IMMP2L: variants seen among roughly 807,000 people sequenced by gnomAD.
IMMP2L encodes inner mitochondrial membrane peptidase subunit 2.
A neutral mutation model predicts 19.3 loss-of-function variants in IMMP2L; 18 were observed. That is an observed-to-expected ratio of 0.93 (90% confidence interval 0.64 to 1.38). IMMP2L has a LOEUF of 1.38. Among genes scored for constraint, IMMP2L ranks in the 40% most tolerant of loss-of-function variants. The probability of loss-of-function intolerance (pLI) is 0.00; values close to 1 mark genes in which losing one functional copy is unlikely to be tolerated. For synonymous variants in IMMP2L, 76 were observed against 73.0 expected (o/e 1.04, Z -0.21); for missense variants, 233 against 218.2 (o/e 1.07, Z -0.43).
At chr7:110,702,487 CT>C (rs369403882) in intron 5 of IMMP2L, among the ~76,000 whole-genome samples, 4 of 152,244 alleles carry the variant, frequency 2.6e-5, no homozygotes, top group African/African-American at 9.6e-5. Flanking sequence ...TGCAATTACA[CT>C]GAATTTGTAA....
At chr7:111,311,943 T>C (rs1223051124) in intron 3 of IMMP2L, among the ~76,000 whole-genome samples, 1 of 152,090 alleles carries the variant, frequency 6.6e-6, no homozygotes, top group Non-Finnish European at 1.5e-5. Context: ...ATTTTGAAAG[T>C]AGCACCTAAT....
At chr7:111,508,701 C>G (rs542326354) in intron 2 of IMMP2L, among the ~76,000 whole-genome samples, 1 of 152,198 alleles carries the variant, frequency 6.6e-6, no homozygotes, top group African/African-American at 2.4e-5. Flanking sequence ...AGACACCACT[C>G]AAAGGTGGGC....
intron 5 of IMMP2L, among the ~76,000 whole-genome samples, chr7:110,839,084 T>G (rs1397036412): frequency 1.3e-5 from 2 of 152,154 alleles, no homozygotes; most frequent in African/African-American, 4.8e-5. Flanking sequence ...GTTTGACCCT[T>G]AAATTTCTTC....
Position 110,922,076 on chromosome 7 carries a change from C to T in IMMP2L, c.306-35381G>A, listed in dbSNP as rs62464048. Among the ~76,000 whole-genome samples, 986 of 152,256 alleles carry T rather than the reference C, an allele frequency of 6.5e-3. 3 individuals are homozygous for T. The highest frequency in any genetic ancestry group is 9.1e-3 in the Non-Finnish European group (617 of 68,026). Reference sequence around the variant, plus strand: ...ATTTCCTTCCATTAAGAATAAGCTTCAGCTAGTGTGTTTCACAACTCTCAT... The same window carrying T: ...ATTTCCTTCCATTAAGAATAAGCTTTAGCTAGTGTGTTTCACAACTCTCAT... On this transcript the variant is annotated intron_variant, in intron 4 of 5. Coordinates refer to ENST00000405709, the MANE Select transcript of IMMP2L (RefSeq NM_032549.4).
At chr7:111,487,365 A>C in intron 2 of IMMP2L, 24 bp from the exon 3 acceptor site, 1 of 1,300,898 alleles carries the variant, frequency 7.7e-7, no homozygotes, top group Non-Finnish European at 1.1e-6. Context: ...AGAAAGAGAC[A>C]CTTCTATCAT....
At chr7:111,324,536 A>C (rs1289380469) in intron 3 of IMMP2L, among the ~76,000 whole-genome samples, 1 of 151,936 alleles carries the variant, frequency 6.6e-6, no homozygotes, top group Non-Finnish European at 1.5e-5. Flanking sequence ...AAGATGCTAT[A>C]AAACATGAAG....
chr7:110,667,654 C>T (rs1471989152), intron 5 of IMMP2L, among the ~76,000 whole-genome samples: 1 of 152,094 alleles, frequency 6.6e-6, no homozygotes, highest in Non-Finnish European at 1.5e-5. Flanking sequence ...CTCTCGAAGC[C>T]AGAGAAAGGA....
intron 3 of IMMP2L, among the ~76,000 whole-genome samples, chr7:111,475,948 A>G (rs553524952): frequency 1.7e-3 from 260 of 152,276 alleles, no homozygotes; most frequent in Non-Finnish European, 3.0e-3. Context: ...TCTTTAAAAA[A>G]TTTCAAGTCA....
At chr7:110,873,539 G>A (rs799627) in intron 5 of IMMP2L, among the ~76,000 whole-genome samples, 3,436 of 150,496 alleles carry the variant, frequency 0.023, 137 homozygotes, top group African/African-American at 0.078. Flanking sequence ...TGAGGCGGGC[G>A]GATTACCTGA....
intron 3 of IMMP2L, among the ~76,000 whole-genome samples, chr7:111,406,931 C>A (rs1032103317): frequency 6.6e-6 from 1 of 152,006 alleles, no homozygotes; most frequent in African/African-American, 2.4e-5. Context: ...CCACAGGAAC[C>A]TCTGCAGTGG....
intron 3 of IMMP2L, among the ~76,000 whole-genome samples, chr7:111,442,924 G>GA (rs2066662577): frequency 6.6e-6 from 1 of 151,726 alleles, no homozygotes; most frequent in Non-Finnish European, 1.5e-5. Flanking sequence ...AAACAGAACA[G>GA]AAAAAAAGCC....
intron 5 of IMMP2L, among the ~76,000 whole-genome samples, chr7:110,703,026 C>G (rs2130650771): frequency 6.6e-6 from 1 of 152,124 alleles, no homozygotes; most frequent in African/African-American, 2.4e-5. Flanking sequence ...GCCATGAAGT[C>G]CTTTATAATT....
At chr7:111,490,097 C>CTTT (rs80065502) in intron 2 of IMMP2L, among the ~76,000 whole-genome samples, 1 of 127,842 alleles carries the variant, frequency 7.8e-6, no homozygotes, top group Non-Finnish European at 1.7e-5. Flanking sequence ...CGCCTGCCCT[C>CTTT]TTTTTTTTTT....
At chr7:110,864,010 G>T (rs977004980) in intron 5 of IMMP2L, among the ~76,000 whole-genome samples, 35 of 152,012 alleles carry the variant, frequency 2.3e-4, no homozygotes, top group African/African-American at 6.0e-4. Context: ...GTGTATAATA[G>T]AAACAATACA....
intron 3 of IMMP2L, among the ~76,000 whole-genome samples, chr7:111,369,138 A>G (rs1450329890): frequency 6.6e-6 from 1 of 151,896 alleles, no homozygotes; most frequent in Non-Finnish European, 1.5e-5. Context: ...TAGTTTTTCA[A>G]TGACAAACAG....
chr7:111,211,692 A>C (rs2129618467), intron 3 of IMMP2L, among the ~76,000 whole-genome samples: 1 of 152,322 alleles, frequency 6.6e-6, no homozygotes, highest in East Asian at 1.9e-4. Flanking sequence ...AAGAGGTTGG[A>C]ATATTCAAAA....
At chr7:111,067,273 G>T (rs1266767778) in intron 3 of IMMP2L, among the ~76,000 whole-genome samples, 1 of 152,218 alleles carries the variant, frequency 6.6e-6, no homozygotes, top group Non-Finnish European at 1.5e-5. Context: ...GGAGAGATCA[G>T]TGTTGGGAAC....
At chr7:111,155,653 T>C (rs1483885214) in intron 3 of IMMP2L, among the ~76,000 whole-genome samples, 3 of 151,542 alleles carry the variant, frequency 2.0e-5, no homozygotes, top group Admixed American at 6.6e-5. Context: ...TGCATTGTCA[T>C]GGAAATTTAT....
chr7:111,404,059 T>C (rs562778810), intron 3 of IMMP2L, among the ~76,000 whole-genome samples: 2 of 152,238 alleles, frequency 1.3e-5, no homozygotes, highest in East Asian at 3.9e-4. Context: ...GCCTGGCATA[T>C]GCATCACATT....
Sources: allele counts gnomAD v4.1 joint callset (sites outside exome capture counted in the v4.1 genomes callset), GRCh38; gene constraint gnomAD v4.1.1; transcripts MANE v1.5; gene names NCBI Gene and HGNC (gene_info 2026-07-23, HGNC 2026-07-21).